The following IL1RAPL2 variants were observed in gnomAD, a reference collection of about 807,000 sequenced individuals.
The protein encoded by IL1RAPL2 is X-linked interleukin-1 receptor accessory protein-like 2.
IL1RAPL2 carries 3 observed loss-of-function variants against 44.1 expected under a neutral mutation model. The ratio of observed to expected loss-of-function variants is 0.07; its 90% CI spans 0.03 to 0.18. The LOEUF is 0.18. Ranked by LOEUF, IL1RAPL2 falls within the 10% of genes least tolerant of loss-of-function variation. IL1RAPL2 has a pLI of 1.00. For missense variants in IL1RAPL2, 391 were observed against 496.4 expected, an observed-to-expected ratio of 0.79 and a Z score of 2.02; for synonymous variants, 181 against 178.8, an observed-to-expected ratio of 1.01 and a Z score of -0.10.
chrX:104,894,011 G>A (rs189853626), intron 2 of IL1RAPL2, among the ~76,000 whole-genome samples: 1 of 111,398 alleles, frequency 9.0e-6, no homozygotes, highest in Admixed American at 9.6e-5. Context: ...GCATTTGCTT[G>A]TCTGTAAAGT....
intron 2 of IL1RAPL2, among the ~76,000 whole-genome samples, chrX:104,930,412 A>G (rs1402618510): frequency 8.9e-6 from 1 of 112,023 alleles, no homozygotes; most frequent in Non-Finnish European, 1.9e-5. Flanking sequence ...TTGTTCACAT[A>G]GTTGTCACCA....
chrX:104,918,993 T>C (rs1222496765), intron 2 of IL1RAPL2, among the ~76,000 whole-genome samples: 2 of 111,754 alleles, frequency 1.8e-5, no homozygotes, highest in Non-Finnish European at 3.8e-5. Flanking sequence ...AGAAGCTCAA[T>C]GGCCATCCAT....
At position 105,335,960 on chromosome X, in the gene IL1RAPL2, C is replaced by A. The variant is rs191590662; in HGVS notation, c.697+68419C>A. 4.4e-3 allele frequency among the ~76,000 whole-genome samples: 495 copies of A among 111,851 alleles called. 5 individuals are homozygous for A. Among genetic ancestry groups the A allele is most frequent in the African/African-American group, 0.015 (468 of 30,810 alleles). On this transcript the variant is annotated intron_variant, in intron 5 of 10. Coordinates refer to ENST00000372582, the MANE Select transcript of IL1RAPL2 (RefSeq NM_017416.2). ...TTGTTCTAACACAGAGAAATGTTTG[C>A]CAATAAAAATTCATACCCAAATGAG...
chrX:105,205,551 C>T (rs184663488), intron 3 of IL1RAPL2, among the ~76,000 whole-genome samples: 296 of 85,377 alleles, frequency 3.5e-3, no homozygotes, highest in Non-Finnish European at 5.3e-3. Flanking sequence ...GACTGCGCCA[C>T]GGCACTCCAG....
At chrX:105,756,020 A>G (rs781622322) in intron 10 of IL1RAPL2, among the ~76,000 whole-genome samples, 6 of 111,902 alleles carry the variant, frequency 5.4e-5, no homozygotes, top group Non-Finnish European at 9.4e-5. Flanking sequence ...AGTAAAGTAT[A>G]AGGGGAACAC....
intron 6 of IL1RAPL2, among the ~76,000 whole-genome samples, chrX:105,650,635 A>G (rs1344163428): frequency 1.8e-5 from 2 of 112,239 alleles, no homozygotes; most frequent in African/African-American, 6.5e-5. Context: ...TCTGACAGTT[A>G]GTCTTTGTCC....
intron 10 of IL1RAPL2, among the ~76,000 whole-genome samples, chrX:105,762,672 C>T (rs898595449): frequency 1.8e-5 from 2 of 111,648 alleles, no homozygotes; most frequent in African/African-American, 6.5e-5. Context: ...GACACAGCCC[C>T]TTTTGGTCTT....
intron 2 of IL1RAPL2, among the ~76,000 whole-genome samples, chrX:105,018,664 C>T (rs1049511455): frequency 2.7e-5 from 3 of 110,910 alleles, no homozygotes; most frequent in Admixed American, 9.7e-5. Context: ...ATAACAACAA[C>T]GATAACAAAT....
chrX:104,597,647 G>A (rs946614408), intron 1 of IL1RAPL2, among the ~76,000 whole-genome samples: 18 of 111,231 alleles, frequency 1.6e-4, no homozygotes, highest in Non-Finnish European at 1.7e-4. Flanking sequence ...CATTAACAGA[G>A]GATACCAATC....
At chrX:104,610,148 A>T (rs186678087) in intron 1 of IL1RAPL2, among the ~76,000 whole-genome samples, 1 of 110,425 alleles carries the variant, frequency 9.1e-6, no homozygotes, top group Middle Eastern at 4.6e-3. Context: ...AATAAGAGCT[A>T]TCTATGACAA....
intron 5 of IL1RAPL2, among the ~76,000 whole-genome samples, chrX:105,307,076 C>A (rs1285766522): frequency 9.2e-6 from 1 of 108,747 alleles, no homozygotes; most frequent in Admixed American, 1.0e-4. Context: ...AGAAAAAAAA[C>A]TACAATTTAT....
At chrX:105,421,393 T>G (rs2035773316) in intron 5 of IL1RAPL2, among the ~76,000 whole-genome samples, 2 of 111,468 alleles carry the variant, frequency 1.8e-5, no homozygotes, top group African/African-American at 6.5e-5. Context: ...TCCCTTTAGC[T>G]TAGTGATTTT....
At chrX:104,753,173 C>G (rs2147584911) in intron 2 of IL1RAPL2, among the ~76,000 whole-genome samples, 1 of 107,751 alleles carries the variant, frequency 9.3e-6, no homozygotes, top group South Asian at 4.1e-4. Context: ...TTCTCCAGTC[C>G]TAGCACATAG....
chrX:105,032,146 T>A lies in IL1RAPL2; in HGVS notation c.83-163329T>A, dbSNP rs745604543. Among the ~76,000 whole-genome samples the A allele has an allele frequency of 6.3e-5, 7 of 111,423 alleles. No homozygotes were observed. In the East Asian group the frequency reaches 1.4e-3, roughly 22 times the overall value. On this transcript the variant is annotated intron_variant, in intron 2 of 10. Coordinates refer to ENST00000372582, the MANE Select transcript of IL1RAPL2 (RefSeq NM_017416.2). ...TTCTTTGTTAGTCTTGCTAGCGGTC[T>A]ATCAATTTTGTTGATCTTTTCAAAA... is the stretch of plus-strand genomic sequence containing the variant.
intron 2 of IL1RAPL2, among the ~76,000 whole-genome samples, chrX:104,772,469 C>A (rs780437219): frequency 2.7e-5 from 3 of 111,782 alleles, no homozygotes; most frequent in Admixed American, 9.5e-5. Context: ...TGGCTCAGAC[C>A]TAAAGCCTTT....
At chrX:105,092,045 T>G (rs748899957) in intron 2 of IL1RAPL2, among the ~76,000 whole-genome samples, 4 of 112,168 alleles carry the variant, frequency 3.6e-5, no homozygotes, top group Non-Finnish European at 7.5e-5. Flanking sequence ...ATCTGTCTTT[T>G]ATTGAGGAAC....
chrX:104,921,022 C>T (rs910611666), intron 2 of IL1RAPL2, among the ~76,000 whole-genome samples: 2 of 111,160 alleles, frequency 1.8e-5, no homozygotes, highest in Non-Finnish European at 3.8e-5. Context: ...CGGTGCCATT[C>T]CCAAGGAAGT....
In IL1RAPL2 at chrX:105,307,274, AT is replaced by A. The variant is rs750314579; in HGVS notation, c.697+39742del. On this transcript the variant is annotated intron_variant, in intron 5 of 10. Coordinates refer to ENST00000372582, the MANE Select transcript of IL1RAPL2 (RefSeq NM_017416.2). ...AGACCACATCTCTCCCAAAAAAAAA[AT>A]TTTTTTTTAAATTAGCTAGGCATGG... is the stretch of plus-strand genomic sequence containing the variant. 4.8e-3 allele frequency among the ~76,000 whole-genome samples: 461 copies of A among 96,270 alleles called. 4 individuals are homozygous for A. Among genetic ancestry groups the A allele is most frequent in the Non-Finnish European group, 8.2e-3 (404 of 49,022 alleles). The allele number at this position is 96,270 out of a possible 115,157, so 83.6% of individuals were successfully genotyped here. A position where few individuals can be genotyped will look rare whatever the true frequency, so the allele number is the denominator to read the frequency against.
At chrX:105,141,429 CA>C (rs1367749409) in intron 2 of IL1RAPL2, among the ~76,000 whole-genome samples, 1 of 110,242 alleles carries the variant, frequency 9.1e-6, no homozygotes, top group African/African-American at 3.3e-5. Flanking sequence ...ATTTGCAACT[CA>C]AAAAAAATTT....
Sources: gnomAD v4.1 joint callset for allele counts (sites outside exome capture counted in the v4.1 genomes callset) on GRCh38, gnomAD v4.1.1 for gene constraint, MANE v1.5 for transcripts, NCBI Gene and HGNC (gene_info 2026-07-23, HGNC 2026-07-21) for gene names.